The following PITPNM1 variants were observed in gnomAD, a reference collection of about 807,000 sequenced individuals.
PITPNM1 encodes membrane-associated phosphatidylinositol transfer protein 1.
Under a neutral mutation model 133.3 loss-of-function variants are expected in PITPNM1, and 74 were observed. The ratio of observed to expected loss-of-function variants is 0.56; its 90% CI spans 0.46 to 0.67. PITPNM1 has a LOEUF of 0.67. Among genes scored for constraint, PITPNM1 ranks in the 30% least tolerant of loss-of-function variants. The pLI is 0.00. For synonymous variants in PITPNM1, 738 were observed against 741.4 expected (o/e 1.00, Z 0.08); for missense variants, 1,398 against 1,739.5 (o/e 0.80, Z 3.49).
chr11:67,495,506 C>A lies in PITPNM1; in HGVS notation c.2414G>T (p.Gly805Val), dbSNP rs1172714769. The stretch of plus-strand genomic sequence containing the variant: ...CGGGGGGTCAGTGGCCAACTCACTG[C>A]CCTTCCAGAAGGCACCGCTAGTAGA... ...PTSTSGAFWK[G>V]SELATDPPAQ... Residue 805 changes from glycine (G) to valine (V), a missense_variant, in exon 16 of 24, where the codon GGC (glycine) becomes GTC (valine). By Grantham distance (109) the Gly-to-Val change is moderately radical. Around this residue, in one of 5 missense-constraint regions of PITPNM1, gnomAD observed 574 missense variants for 698.7 expected, o/e 0.82. Coordinates refer to ENST00000356404, the MANE Select transcript of PITPNM1 (RefSeq NM_004910.3). The A allele has an allele frequency of 2.5e-6, 4 of 1,579,578 alleles. No homozygotes were observed. Among genetic ancestry groups the A allele is most frequent in the Admixed American group, 1.9e-5 (1 of 52,012 alleles).
rs142127180 is a variant in PITPNM1 at position 67,499,728 on chromosome 11, G to A, written c.1166C>T (p.Thr389Met). ...AFASPVEAEG[T>M]PEPGAEAAKG... ...GTCCTAGGCGGTATCTTTACCTGGC[G>A]TTCCCTCTGCCTCCACTGGGGAGGC... Residue 389 changes from threonine (T) to methionine (M), a missense_variant, in exon 8 of 24, where the codon ACG becomes ATG. By Grantham distance (81) the Thr-to-Met change is moderately conservative. Around this residue, in one of 5 missense-constraint regions of PITPNM1, gnomAD observed 195 missense variants for 178.8 expected, o/e 1.09. Transcript: ENST00000356404. 7.5e-5 allele frequency: 112 copies of A among 1,494,692 alleles called. No homozygotes were observed. Among genetic ancestry groups the A allele is most frequent in the African/African-American group, 2.8e-4 (20 of 70,330 alleles). The allele number at this position is 1,494,692 out of a possible 1,614,324, so 92.6% of individuals were successfully genotyped here.
chr11:67,497,617 T>C lies in PITPNM1; in HGVS notation c.1845A>G (p.Glu615=), dbSNP rs1399454535. 1.2e-6 allele frequency: 2 copies of C among 1,607,334 alleles called. No individual in the cohort carries two copies. Among genetic ancestry groups the C allele is most frequent in the Non-Finnish European group, 1.7e-6 (2 of 1,178,280 alleles). The change falls in exon 13 of 24, where the codon GAA becomes GAG. Residue 615 remains glutamate, a synonymous_variant. Coordinates refer to ENST00000356404, the MANE Select transcript of PITPNM1 (RefSeq NM_004910.3). ...GTTCTGGGCTGCCCCGACCCAGGCC[T>C]TCCACACCATCTGCCAGGGGGTCCC... is the stretch of plus-strand genomic sequence containing the variant. ...PVRDPLADGV[E]GLGRGSPEPS...
Position 67,504,236 on chromosome 11 carries a change from G to C in PITPNM1, c.-41-15C>G, listed in dbSNP as rs1454262339. 5.1e-6 allele frequency: 7 copies of C among 1,370,766 alleles called. No individual in the cohort carries two copies. Among genetic ancestry groups the C allele is most frequent in the African/African-American group, 4.4e-5 (3 of 68,770 alleles). 84.9% of individuals were successfully genotyped at this position (1,370,766 alleles called of 1,614,324 possible). ...CTCCGCTCCTCCTGGCGCAGGGCAC[G>C]GCGCGACAGTCAGTGCGGGGAGGCT... On this transcript the variant is annotated splice_polypyrimidine_tract_variant and intron_variant, in intron 1 of 23. Transcript: ENST00000356404. This position sits in a 1 kb window ranked among gnomAD's most constrained non-coding sequence, Gnocchi z 5.4.
At chr11:67,494,454 G>A in intron 18 of PITPNM1, 94 bp from the exon 19 acceptor site, 1 of 840,388 alleles carries the variant, frequency 1.2e-6, no homozygotes, top group South Asian at 1.8e-5. Context: ...AAACACCGGG[G>A]TGGGGGCCTA....
At position 67,496,323 on chromosome 11, in the gene PITPNM1, T is replaced by G. The variant is rs1866121619; in HGVS notation, c.2172A>C (p.Glu724Asp). The G allele has an allele frequency of 1.9e-6, 3 of 1,581,768 alleles. No individual in the cohort carries two copies. Among genetic ancestry groups the G allele is most frequent in the African/African-American group, 2.8e-5 (2 of 72,564 alleles). ...LEAAQMRPAC[E>D]QIYNLFHAAD... is the part of the protein sequence containing the mutation. ...CCGCGTGGAAGAGGTTGTAGATCTG[T>G]TCACAGGCTGGGCGCATCTGGGCTG... Residue 724 changes from glutamate (E) to aspartate (D), a missense_variant, in exon 15 of 24, where the codon GAA (glutamate) becomes GAC (aspartate). Glu to Asp is a conservative substitution (Grantham distance 45). Around this residue, in one of 5 missense-constraint regions of PITPNM1, gnomAD observed 574 missense variants for 698.7 expected, o/e 0.82. Coordinates refer to ENST00000356404, the MANE Select transcript of PITPNM1 (RefSeq NM_004910.3).
intron 16 of PITPNM1, 32 bp downstream of exon 16, chr11:67,495,406 C>G (rs1013940664): frequency 2.0e-6 from 3 of 1,468,844 alleles, no homozygotes; most frequent in Admixed American, 2.6e-5. Flanking sequence ...TCCCCCACCC[C>G]CAGGCTGGAC....
In PITPNM1 at chr11:67,497,514, G is replaced by C. The variant is rs765210329; in HGVS notation, c.1940+8C>G. 1.2e-6 allele frequency: 2 copies of C among 1,605,896 alleles called. No individual in the cohort carries two copies. Among genetic ancestry groups the C allele is most frequent in the Admixed American group, 3.4e-5 (2 of 58,056 alleles). On this transcript the variant is annotated splice_region_variant and intron_variant, in intron 13 of 23. Coordinates refer to ENST00000356404, the MANE Select transcript of PITPNM1 (RefSeq NM_004910.3). ...CCCAGGGTAGGGGTGATGGGGCAGGGACGTCACCTGTTCTGAGAGCCCTCG... is the reference window on the plus strand; with the variant it reads ...CCCAGGGTAGGGGTGATGGGGCAGGCACGTCACCTGTTCTGAGAGCCCTCG...
rs929015361 is a variant in PITPNM1 at position 67,492,860 on chromosome 11, T to G, written c.3471+74A>C. ...CTTCTCACATCTTCCCCAGAGTCCG[T>G]GGTTCCCAAGGCCTGGGACTGAGGG... is the stretch of plus-strand genomic sequence containing the variant. On this transcript the variant is annotated intron_variant, in intron 23 of 23. Coordinates refer to ENST00000356404, the MANE Select transcript of PITPNM1 (RefSeq NM_004910.3). 9.1e-6 allele frequency: 14 copies of G among 1,534,090 alleles called. No individual in the cohort carries two copies. The African/African-American group carries it at 1.8e-4, about 20-fold the overall frequency.
At position 67,495,520 on chromosome 11, in the gene PITPNM1, A is replaced by G. The variant is rs140989563; in HGVS notation, c.2400T>C (p.Gly800=). The G allele has an allele frequency of 1.4e-4, 228 of 1,586,578 alleles. No individual in the cohort carries two copies. Among genetic ancestry groups the G allele is most frequent in the Non-Finnish European group, 1.8e-4 (215 of 1,168,982 alleles). The change falls in exon 16 of 24, where the codon GGT becomes GGC. Residue 800 remains glycine, a synonymous_variant. Coordinates refer to ENST00000356404, the MANE Select transcript of PITPNM1 (RefSeq NM_004910.3). ...LVPSTPTSTS[G]AFWKGSELAT... is the part of the protein sequence containing the mutation. Reference sequence around the variant, plus strand: ...CCAACTCACTGCCCTTCCAGAAGGCACCGCTAGTAGAGGTGGGTGTTGAGG... The same window carrying G: ...CCAACTCACTGCCCTTCCAGAAGGCGCCGCTAGTAGAGGTGGGTGTTGAGG...
Position 67,492,939 on chromosome 11 carries a change from A to G in PITPNM1, c.3466T>C (p.Cys1156Arg). ...GGCCTTCACTTGGGCCTCACCTGGC[A>G]CTGCGCCTGTAGCTTCCGCACGGCA... ...GRAVRKLQAQ[C>R]QFLSDGYVAH... Residue 1156 changes from cysteine (C) to arginine (R), a missense_variant, in exon 23 of 24, where the codon TGC becomes CGC. Around this residue, in one of 5 missense-constraint regions of PITPNM1, gnomAD observed 122 missense variants for 123.3 expected, o/e 0.99. Transcript: ENST00000356404. 2 of 1,612,226 alleles carry G rather than the reference A, an allele frequency of 1.2e-6. No homozygotes were observed. Among genetic ancestry groups the G allele is most frequent in the Non-Finnish European group, 1.7e-6 (2 of 1,179,464 alleles).
chr11:67,496,413 G>A, intron 14 of PITPNM1, 65 bp from the exon 15 acceptor site: 2 of 1,446,226 alleles, frequency 1.4e-6, no homozygotes, highest in East Asian at 2.5e-5. Context: ...CTGGGAGGTA[G>A]GGGGTGTGGG....
chr11:67,504,359 C>T lies in PITPNM1; in HGVS notation c.-41-138G>A, dbSNP rs1260184601. On this transcript the variant is annotated intron_variant, in intron 1 of 23. Transcript: ENST00000356404. This position sits in a 1 kb window ranked among gnomAD's most constrained non-coding sequence, Gnocchi z 5.4. Reference sequence around the variant, plus strand: ...AGGGAGGCAGAGGCGAGCCTAGCACCGCCGCCCGCGCCGCCGGGGCCGGGA... The same window carrying T: ...AGGGAGGCAGAGGCGAGCCTAGCACTGCCGCCCGCGCCGCCGGGGCCGGGA... 1 of 282,324 alleles carries T rather than the reference C, an allele frequency of 3.5e-6. No homozygotes were observed. Among genetic ancestry groups the T allele is most frequent in the East Asian group, 6.0e-5 (1 of 16,738 alleles). The allele number at this position is 282,324 out of a possible 1,614,324, so 17.5% of individuals were successfully genotyped here.
intron 14 of PITPNM1, chr11:67,496,962 A>C: frequency 2.8e-5 from 9 of 320,506 alleles, no homozygotes; most frequent in East Asian, 1.6e-4. Flanking sequence ...AGAAGAGGGC[A>C]GCGGCTTCGA....
At position 67,498,995 on chromosome 11, in the gene PITPNM1, C is replaced by T; in HGVS notation, c.1178G>A (p.Gly393Glu). The T allele has an allele frequency of 6.2e-7, 1 of 1,611,406 alleles. No individual in the cohort carries two copies. Among genetic ancestry groups the T allele is most frequent in the East Asian group, 2.2e-5 (1 of 44,876 alleles). Reference protein sequence around the residue: ...PVEAEGTPEPGAEAAKGIEDG... With the variant: ...PVEAEGTPEPEAEAAKGIEDG... The stretch of plus-strand genomic sequence containing the variant: ...CTCAATGCCTTTAGCTGCCTCGGCT[C>T]CAGGCTCTGCAGGGCAACGAAGCCA... Residue 393 changes from glycine (G) to glutamate (E), a missense_variant, in exon 9 of 24, where the codon GGA becomes GAA. By Grantham distance (98) the Gly-to-Glu change is moderately conservative (BLOSUM62 -2). Transcript: ENST00000356404. The surrounding 1 kb of genome is among the most constrained non-coding windows in gnomAD (Gnocchi z 5.7).
At chr11:67,501,222 T>C (rs775424018) in intron 5 of PITPNM1, among the ~76,000 whole-genome samples, 1 of 152,234 alleles carries the variant, frequency 6.6e-6, no homozygotes, top group Non-Finnish European at 1.5e-5. Context: ...TCTTCCTCAT[T>C]TACTGAAGAG....
intron 5 of PITPNM1, among the ~76,000 whole-genome samples, chr11:67,501,251 T>A (rs1355087116): frequency 6.6e-6 from 1 of 152,260 alleles, no homozygotes; most frequent in South Asian, 2.1e-4. Context: ...AGTGCAGAGA[T>A]GGCCAGTGCC....
rs1033255248 is a variant in PITPNM1, at chr11:67,500,305, C to A, written c.757G>T (p.Ala253Ser). Residue 253 changes from alanine to serine, a missense_variant, in exon 6 of 24, where the codon GCC becomes TCC. Physicochemically the swap from Ala to Ser is moderately conservative, Grantham distance 99. Around this residue, in one of 5 missense-constraint regions of PITPNM1, gnomAD observed 274 missense variants for 360.7 expected, o/e 0.76. Coordinates refer to ENST00000356404, the MANE Select transcript of PITPNM1 (RefSeq NM_004910.3). ...GTGTTGCACTTGGCCATGCGCTGGG[C>A]CAGCATGCGAGCAGTCTCCTCTTCC... ...ALEEETARML[A>S]QRMAKCNTGS... is the part of the protein sequence containing the mutation. 3.7e-6 allele frequency: 6 copies of A among 1,611,350 alleles called. No homozygotes were observed. Among genetic ancestry groups the A allele is most frequent in the African/African-American group, 1.3e-5 (1 of 74,936 alleles).
At position 67,497,249 on chromosome 11, in the gene PITPNM1, C is replaced by T. The variant is rs752227223; in HGVS notation, c.2128G>A (p.Val710Met). 3 of 1,608,832 alleles carry T rather than the reference C, an allele frequency of 1.9e-6. 1 individual carries two copies. The South Asian group carries it at 3.3e-5, about 18-fold the overall frequency. ...LGLVLALRKT[V>M]MPALEAAQMR... ...GACTCACCCTCCAGGGCGGGCATCACAGTTTTGCGCAGAGCCAGCACCAGG... is the reference window on the plus strand; with the variant it reads ...GACTCACCCTCCAGGGCGGGCATCATAGTTTTGCGCAGAGCCAGCACCAGG... The change falls in exon 14 of 24, where the codon GTG (valine) becomes ATG (methionine). Residue 710 changes from valine to methionine, a missense_variant. Around this residue, in one of 5 missense-constraint regions of PITPNM1, gnomAD observed 574 missense variants for 698.7 expected, o/e 0.82. Transcript: ENST00000356404.
Position 67,497,995 on chromosome 11 carries a change from G to A in PITPNM1, c.1704C>T (p.Gly568=), listed in dbSNP as rs753388625. The change falls in exon 12 of 24, where the codon GGC becomes GGT. Residue 568 remains glycine (G), a synonymous_variant. Coordinates refer to ENST00000356404, the MANE Select transcript of PITPNM1 (RefSeq NM_004910.3). ...GGCAGAGTGCATCAAAGCCCAGGAT[G>A]CCACCAACACCATCTCCAATCAGTG... ...QVALIGDGVG[G]ILGFDALCHS... 2 of 1,610,810 alleles carry A rather than the reference G, an allele frequency of 1.2e-6. No individual in the cohort carries two copies. The highest frequency in any genetic ancestry group is 2.2e-5 in the South Asian group (2 of 91,082).
Sources: gnomAD v4.1 joint callset for allele counts (sites outside exome capture counted in the v4.1 genomes callset) on GRCh38, gnomAD v4.1.1 for gene constraint, gnomAD v4.1.1 regional missense constraint, Gnocchi (gnomAD v3.1) non-coding constraint, MANE v1.5 for transcripts, NCBI Gene and HGNC (gene_info 2026-07-23, HGNC 2026-07-21) for gene names.